ISOC2: variants seen among roughly 807,000 people sequenced by gnomAD.
ISOC2 encodes isochorismatase domain containing 2.
A neutral mutation model predicts 19.3 loss-of-function variants in ISOC2; 15 were observed. The ratio of observed to expected loss-of-function variants is 0.78; its 90% confidence interval spans 0.52 to 1.20. ISOC2 has a LOEUF of 1.20. Among genes scored for constraint, ISOC2 ranks in the 50% most tolerant of loss-of-function variants. The probability of loss-of-function intolerance (pLI) is 0.00; values close to 1 mark genes in which losing one functional copy is unlikely to be tolerated. For synonymous variants in ISOC2, 106 were observed against 115.8 expected, an observed-to-expected ratio of 0.92 and a Z score of 0.54; for missense variants, 285 against 272.4, an observed-to-expected ratio of 1.05 and a Z score of -0.33.
intron 5 of ISOC2, chr19:55,454,515 A>C: frequency 6.2e-6 from 1 of 161,666 alleles, no homozygotes; most frequent in Non-Finnish European, 1.4e-5. Flanking sequence ...TGACCCCGGT[A>C]GCAGGGTGGC....
chr19:55,455,119 G>T lies in ISOC2; in HGVS notation c.420-13C>A. Reference sequence around the variant, plus strand: ...CCGGTCCACCTGGCTGTGAGTGGGAGGGAGGGAGGGAAGGTTGGTGTGGAC... The same window carrying T: ...CCGGTCCACCTGGCTGTGAGTGGGATGGAGGGAGGGAAGGTTGGTGTGGAC... On this transcript the variant is annotated splice_polypyrimidine_tract_variant and intron_variant, in intron 4 of 5. Coordinates refer to ENST00000425675, the MANE Select transcript of ISOC2 (RefSeq NM_001136201.2). The T allele has an allele frequency of 2.5e-6, 4 of 1,589,372 alleles. No homozygotes were observed. The highest frequency in any genetic ancestry group is 2.2e-5 in the South Asian group (2 of 90,526).
Position 55,455,636 on chromosome 19 carries a change from C to A in ISOC2, c.348G>T (p.Leu116Phe). 1 of 1,582,752 alleles carries A rather than the reference C, an allele frequency of 6.3e-7. No individual in the cohort carries two copies. Among genetic ancestry groups the A allele is most frequent in the South Asian group, 1.1e-5 (1 of 88,386 alleles). The change falls in exon 3 of 6, where the codon TTG becomes TTT. Residue 116 changes from leucine to phenylalanine, a missense_variant and splice_region_variant. Transcript: ENST00000425675. ...CCCCTGGGGTCAGTCAGCATCTCAC[C>A]AAGATGCAGGCCTGTGCCTCAATGC... Reference protein sequence around the residue: ...LCGIEAQACILNTTLDLLDRG... With the variant: ...LCGIEAQACIFNTTLDLLDRG...
intron 1 of ISOC2, 125 bp from the exon 2 acceptor site, chr19:55,456,614 C>A: frequency 3.3e-6 from 4 of 1,220,730 alleles, no homozygotes; most frequent in Non-Finnish European, 3.4e-6. Flanking sequence ...CTTCTTCCCA[C>A]CTCAAGGTCT....
At position 55,455,839 on chromosome 19, in the gene ISOC2, G is replaced by A. The variant is rs1336782034; in HGVS notation, c.145C>T (p.Arg49Trp). The A allele has an allele frequency of 9.1e-6, 14 of 1,541,674 alleles. No homozygotes were observed. Among genetic ancestry groups the A allele is most frequent in the Middle Eastern group, 2.1e-4 (1 of 4,746 alleles). Residue 49 changes from arginine to tryptophan, a missense_variant, in exon 3 of 6, where the codon CGG (arginine) becomes TGG (tryptophan). By Grantham distance (101) the Arg-to-Trp change is moderately radical. Transcript: ENST00000425675. The stretch of plus-strand genomic sequence containing the variant: ...AGCATGACTGGCACCTCAAGCAGCC[G>A]GGCCACCTGTGCCAGTGATGGGGAA... ...SVAARMLKVA[R>W]LLEVPVMLTE... is the part of the protein sequence containing the mutation.
chr19:55,457,534 CA>C (rs1234223480), intron 1 of ISOC2, among the ~76,000 whole-genome samples: 11 of 138,116 alleles, frequency 8.0e-5, no homozygotes, highest in Non-Finnish European at 1.1e-4. Context: ...GACTCTGTCT[CA>C]AAAAAAAAAG....
In ISOC2 at chr19:55,455,734, A is replaced by G. The variant is rs1469643279; in HGVS notation, c.250T>C (p.Cys84Arg). 2 of 1,607,868 alleles carry G rather than the reference A, an allele frequency of 1.2e-6. No individual in the cohort carries two copies. Among genetic ancestry groups the G allele is most frequent in the Non-Finnish European group, 8.5e-7 (1 of 1,177,930 alleles). ...TGCAGGGCAGGCACCATGCTGAAGC[A>G]GGTCTTGGCCAGCGGCCGAAGGCCC... ...TEGLRPLAKTCFSMVPALQQE... is the reference protein window; with the variant it reads ...TEGLRPLAKTRFSMVPALQQE... The change falls in exon 3 of 6, where the codon TGC becomes CGC. Residue 84 changes from cysteine to arginine, a missense_variant. Coordinates refer to ENST00000425675, the MANE Select transcript of ISOC2 (RefSeq NM_001136201.2).
Position 55,456,429 on chromosome 19 carries a change from G to A in ISOC2, c.58C>T (p.Leu20=). The A allele has an allele frequency of 6.2e-7, 1 of 1,613,940 alleles. No homozygotes were observed. The highest frequency in any genetic ancestry group is 8.5e-7 in the Non-Finnish European group (1 of 1,179,896). The change falls in exon 2 of 6, where the codon CTG becomes TTG. Residue 20 remains leucine, a synonymous_variant. Coordinates refer to ENST00000425675, the MANE Select transcript of ISOC2 (RefSeq NM_001136201.2). ...CGGAACTTCTCCTGCATGTCACACA[G>A]GAACAGGACAGAGGATCCTGGGAGG... is the stretch of plus-strand genomic sequence containing the variant. ...RVLPGSSVLF[L]CDMQEKFRHN...
intron 3 of ISOC2, 135 bp downstream of exon 3, chr19:55,455,501 G>T: frequency 9.0e-7 from 1 of 1,106,570 alleles, no homozygotes; most frequent in Non-Finnish European, 1.3e-6. Context: ...GGGGCCCACA[G>T]GTGAGGAGAG....
At chr19:55,455,173 G>C (rs1986005662) in intron 4 of ISOC2, 67 bp from the exon 5 acceptor site, 1 of 1,570,234 alleles carries the variant, frequency 6.4e-7, no homozygotes, top group East Asian at 2.3e-5. Flanking sequence ...AGACACGCAG[G>C]CACCCTGGTG....
At chr19:55,457,348 C>T (rs996885098) in intron 1 of ISOC2, 3 of 152,246 alleles carry the variant, frequency 2.0e-5, no homozygotes, top group African/African-American at 4.8e-5. Flanking sequence ...ACCAGCCTGG[C>T]TAACATGGCG....
chr19:55,454,884 C>T (rs1460610326), intron 5 of ISOC2, 105 bp downstream of exon 5: 1 of 833,348 alleles, frequency 1.2e-6, no homozygotes, highest in Non-Finnish European at 2.0e-6. Flanking sequence ...GAACCTGGCT[C>T]CCCCTGGAGG....
In ISOC2 at chr19:55,454,978, G is replaced by C. The variant is rs965091783; in HGVS notation, c.537+11C>G. On this transcript the variant is annotated intron_variant, in intron 5 of 5. Coordinates refer to ENST00000425675, the MANE Select transcript of ISOC2 (RefSeq NM_001136201.2). ...ATGCAGGGGAGGTGGGGGCGGCCAGGCGGGCATTACCTCCTTGAACTGGGG... is the reference window on the plus strand; with the variant it reads ...ATGCAGGGGAGGTGGGGGCGGCCAGCCGGGCATTACCTCCTTGAACTGGGG... 1 of 1,593,258 alleles carries C rather than the reference G, an allele frequency of 6.3e-7. No homozygotes were observed.
intron 1 of ISOC2, 41 bp from the exon 2 acceptor site, chr19:55,456,530 T>G (rs762927815): frequency 1.1e-5 from 17 of 1,605,758 alleles, no homozygotes; most frequent in Non-Finnish European, 1.3e-5. Flanking sequence ...GCCCGAGGGC[T>G]CCTCTCAGTG....
chr19:55,460,951 G>C (rs1208038778), intron 1 of ISOC2, among the ~76,000 whole-genome samples: 1 of 152,144 alleles, frequency 6.6e-6, no homozygotes, highest in Non-Finnish European at 1.5e-5. Flanking sequence ...CGAGGGGCAT[G>C]ATCTGAAGAT....
At chr19:55,457,920 A>G (rs1350642420) in intron 1 of ISOC2, among the ~76,000 whole-genome samples, 3 of 151,694 alleles carry the variant, frequency 2.0e-5, no homozygotes, top group African/African-American at 4.8e-5. Context: ...TGGGGGGTGT[A>G]GTTTTCAGTT....
chr19:55,455,419 C>T lies in ISOC2; in HGVS notation c.349-89G>A, dbSNP rs770225556. 3.3e-6 allele frequency: 5 copies of T among 1,532,144 alleles called. No homozygotes were observed. The East Asian group carries it at 1.1e-4, about 35-fold the overall frequency. 94.9% of individuals were successfully genotyped at this position (1,532,144 alleles called of 1,614,324 possible). On this transcript the variant is annotated intron_variant, in intron 3 of 5. Transcript: ENST00000425675. ...GGGATGGTGAGTCAGAATTAGGGGCCCAGAATGGGGAGGAGGGAGGCTCGG... is the reference window on the plus strand; with the variant it reads ...GGGATGGTGAGTCAGAATTAGGGGCTCAGAATGGGGAGGAGGGAGGCTCGG...
At chr19:55,457,887 C>T (rs944201586) in intron 1 of ISOC2, among the ~76,000 whole-genome samples, 6 of 150,488 alleles carry the variant, frequency 4.0e-5, no homozygotes, top group African/African-American at 1.2e-4. Flanking sequence ...GGGCTGTGGC[C>T]GGGAGGAATT....
Position 55,453,187 on chromosome 19 carries a change from C to CCA in ISOC2, c.*120_*121insTG. On this transcript the variant is annotated 3_prime_UTR_variant, in exon 6 of 6. Coordinates refer to ENST00000425675, the MANE Select transcript of ISOC2 (RefSeq NM_001136201.2). The stretch of plus-strand genomic sequence containing the variant: ...TGGGAAGGCAGCACCCTGCCCCCCC[C>CCA]ACAAGGGGGCGGCACTCCTGGTGGA... The CCA allele has an allele frequency of 4.8e-6, 3 of 628,454 alleles. No homozygotes were observed. The highest frequency in any genetic ancestry group is 7.9e-6 in the Non-Finnish European group (3 of 379,300). The allele number at this position is 628,454 out of a possible 1,614,324, so 38.9% of individuals were successfully genotyped here.
Position 55,455,106 on chromosome 19 carries a change from G to T in ISOC2, c.420C>A (p.Ser140Arg). The T allele has an allele frequency of 6.2e-7, 1 of 1,605,358 alleles. No homozygotes were observed. The highest frequency in any genetic ancestry group is 8.5e-7 in the Non-Finnish European group (1 of 1,174,680). The change falls in exon 5 of 6, where the codon AGC (serine) becomes AGA (arginine). Residue 140 changes from serine (S) to arginine (R), a missense_variant and splice_region_variant. Ser to Arg is a moderately radical substitution (Grantham distance 110, BLOSUM62 -1). Transcript: ENST00000425675. The stretch of plus-strand genomic sequence containing the variant: ...CCAGAGCCACCAGCCGGTCCACCTG[G>T]CTGTGAGTGGGAGGGAGGGAGGGAA... Reference protein sequence around the residue: ...HVVVDACSSRSQVDRLVALAR... With the variant: ...HVVVDACSSRRQVDRLVALAR...
Sources: allele counts gnomAD v4.1 joint callset (sites outside exome capture counted in the v4.1 genomes callset), GRCh38; gene constraint gnomAD v4.1.1; transcripts MANE v1.5; gene names NCBI Gene and HGNC (gene_info 2026-07-23, HGNC 2026-07-21).